Variants in NXNL2 observed in about 807,000 individuals in gnomAD.
NXNL2 encodes nucleoredoxin-like protein 2.
NXNL2 carries 7 observed loss-of-function variants against 11.1 expected under a neutral mutation model. The observed-to-expected ratio is 0.63, with a 90% CI of 0.36 to 1.18. The LOEUF is 1.18. NXNL2 is among the 50% of genes most tolerant of loss of function. NXNL2 has a pLI of 0.02. For synonymous variants in NXNL2, 109 were observed against 101.8 expected (o/e 1.07, Z -0.42); for missense variants, 233 against 217.7 (o/e 1.07, Z -0.44).
At chr9:88,553,063 G>T (rs528390372) in intron 1 of NXNL2, among the ~76,000 whole-genome samples, 1 of 152,284 alleles carries the variant, frequency 6.6e-6, no homozygotes, top group South Asian at 2.1e-4. Flanking sequence ...AATGTCCCAT[G>T]GGACCCAGTC....
chr9:88,575,113 A>G (rs1830330262), exon 3 of NXNL2: 1 of 984,870 alleles, frequency 1.0e-6, no homozygotes, highest in Non-Finnish European at 1.2e-6. Context: ...CGTGAGGGAA[A>G]GATATTGAAG....
At chr9:88,559,894 G>A (rs893379931) in intron 1 of NXNL2, among the ~76,000 whole-genome samples, 2 of 152,162 alleles carry the variant, frequency 1.3e-5, no homozygotes, top group South Asian at 2.1e-4. Flanking sequence ...TCCTGAGAAC[G>A]TAAAAGGTTT....
intron 1 of NXNL2, among the ~76,000 whole-genome samples, chr9:88,537,235 G>T (rs371178107): frequency 6.6e-6 from 1 of 152,346 alleles, no homozygotes; most frequent in East Asian, 1.9e-4. Context: ...TGCCATTGAG[G>T]CATAGAGTTC....
intron 1 of NXNL2, among the ~76,000 whole-genome samples, chr9:88,566,908 A>ATCT (rs1564075477): frequency 1.7e-4 from 26 of 150,346 alleles, no homozygotes; most frequent in African/African-American, 5.9e-4. Flanking sequence ...TCTATCTATC[A>ATCT]TCTATCTATC....
downstream of NXNL2, among the ~76,000 whole-genome samples, chr9:88,578,019 G>C (rs944287972): frequency 6.6e-6 from 1 of 152,240 alleles, no homozygotes; most frequent in Non-Finnish European, 1.5e-5. Context: ...GGTTGAAGTG[G>C]ATCCATGGAG....
chr9:88,564,276 A>ATCTG (rs1830133465), intron 1 of NXNL2, among the ~76,000 whole-genome samples: 4 of 130,658 alleles, frequency 3.1e-5, no homozygotes, highest in African/African-American at 8.8e-5. Context: ...CTGTCTATCT[A>ATCTG]TCTATCTATT....
chr9:88,572,509 C>T (rs936843966), intron 2 of NXNL2, among the ~76,000 whole-genome samples: 1 of 152,162 alleles, frequency 6.6e-6, no homozygotes, highest in South Asian at 2.1e-4. Context: ...ACACATGTGA[C>T]GAATGACGGG....
chr9:88,544,355 C>A, intron 1 of NXNL2, 24 bp from the exon 2 acceptor site: 2 of 1,541,492 alleles, frequency 1.3e-6, no homozygotes, highest in East Asian at 2.5e-5. Flanking sequence ...GTGCTAACTT[C>A]GGTACCACTC....
At chr9:88,551,056 C>G (rs1564070363) in intron 1 of NXNL2, among the ~76,000 whole-genome samples, 1 of 152,120 alleles carries the variant, frequency 6.6e-6, no homozygotes, top group Non-Finnish European at 1.5e-5. Context: ...CAAGAGGGGT[C>G]CCTGCTGCAT....
chr9:88,548,223 C>G (rs191151894), downstream of NXNL2, among the ~76,000 whole-genome samples: 1 of 149,896 alleles, frequency 6.7e-6, no homozygotes, highest in Non-Finnish European at 1.5e-5. Context: ...CCTGTAATCC[C>G]AGCTACTCAG....
chr9:88,536,798 C>A (rs1447279174), intron 1 of NXNL2, among the ~76,000 whole-genome samples: 1 of 152,194 alleles, frequency 6.6e-6, no homozygotes, highest in East Asian at 1.9e-4. Context: ...AGGCAGGGCA[C>A]CGCCCAGCCT....
downstream of NXNL2, among the ~76,000 whole-genome samples, chr9:88,579,251 C>T (rs909095055): frequency 6.6e-6 from 1 of 152,192 alleles, no homozygotes; most frequent in Non-Finnish European, 1.5e-5. Flanking sequence ...TGGAACTCAG[C>T]TAAACATGGC....
chr9:88,564,168 A>T (rs1830129105), intron 1 of NXNL2, among the ~76,000 whole-genome samples: 1 of 149,714 alleles, frequency 6.7e-6, no homozygotes, highest in Admixed American at 6.7e-5. Flanking sequence ...CTGAGATTGC[A>T]CCATTGCACT....
chr9:88,552,473 G>GGTTTTTT (rs796387920), intron 1 of NXNL2, among the ~76,000 whole-genome samples: 1 of 131,564 alleles, frequency 7.6e-6, no homozygotes, highest in African/African-American at 2.8e-5. Context: ...AAACATGCAT[G>GGTTTTTT]TTTTTTTTTT....
intron 1 of NXNL2, among the ~76,000 whole-genome samples, chr9:88,567,818 A>G (rs2118522143): frequency 6.6e-6 from 1 of 152,096 alleles, no homozygotes; most frequent in South Asian, 2.1e-4. Context: ...AGCAGCCCAG[A>G]CTCCAGGCCA....
downstream of NXNL2, among the ~76,000 whole-genome samples, chr9:88,545,891 C>G (rs940572716): frequency 6.6e-6 from 1 of 152,040 alleles, no homozygotes; most frequent in African/African-American, 2.4e-5. Flanking sequence ...CTCAGCCTCC[C>G]GAGTAGCTGG....
At chr9:88,577,523 C>A (rs1346066843), downstream of NXNL2, among the ~76,000 whole-genome samples, 1 of 152,032 alleles carries the variant, frequency 6.6e-6, no homozygotes, top group African/African-American at 2.4e-5. Context: ...GGCTGAAGAT[C>A]TAGGTGCTGT....
At chr9:88,535,903 A>T (rs956040779) in intron 1 of NXNL2, among the ~76,000 whole-genome samples, 167 bp downstream of exon 1, 3 of 149,792 alleles carry the variant, frequency 2.0e-5, no homozygotes, top group Middle Eastern at 3.3e-3. Flanking sequence ...TCTCAGTTTC[A>T]ACCTCTCTTG....
chr9:88,568,113 A>G (rs1249818315), intron 1 of NXNL2, among the ~76,000 whole-genome samples: 4 of 152,174 alleles, frequency 2.6e-5, no homozygotes, highest in Non-Finnish European at 5.9e-5. Flanking sequence ...ACTTGCTTTT[A>G]AGTTAGAGAT....
Sources: allele counts gnomAD v4.1 joint callset (sites outside exome capture counted in the v4.1 genomes callset), GRCh38; gene constraint gnomAD v4.1.1; transcripts MANE v1.5; gene names NCBI Gene and HGNC (gene_info 2026-07-23, HGNC 2026-07-21).